Variants in RAB23 observed in about 807,000 individuals in gnomAD.
The protein encoded by RAB23 is RAB23, member RAS oncogene family.
RAB23 carries 15 observed loss-of-function variants against 30.0 expected under a neutral mutation model. The observed-to-expected ratio is 0.50, with a 90% CI of 0.33 to 0.77. The LOEUF (loss-of-function observed/expected upper bound fraction) is 0.77, where lower values mean the gene tolerates loss of function less well. Ranked by LOEUF, RAB23 falls within the 30% of genes least tolerant of loss-of-function variation. The pLI is 0.02. For missense variants in RAB23, 243 were observed against 275.4 expected (o/e 0.88, Z 0.83); for synonymous variants, 93 against 94.0 (o/e 0.99, Z 0.06).
intron 3 of RAB23, among the ~76,000 whole-genome samples, chr6:57,197,776 T>C (rs1366641328): frequency 1.3e-5 from 2 of 151,464 alleles, no homozygotes; most frequent in Admixed American, 1.3e-4. Flanking sequence ...TCTCACTCTG[T>C]TGCCCAAACT....
At chr6:57,200,464 G>A (rs944562395) in intron 3 of RAB23, among the ~76,000 whole-genome samples, 1 of 149,038 alleles carries the variant, frequency 6.7e-6, no homozygotes, top group African/African-American at 2.5e-5. Flanking sequence ...TTGAACCCTG[G>A]AGGAGGAGGT....
chr6:57,210,162 T>C (rs1486495998), intron 2 of RAB23, 64 bp downstream of exon 2: 1 of 1,536,220 alleles, frequency 6.5e-7, no homozygotes, highest in Non-Finnish European at 9.0e-7. Flanking sequence ...TAACTATTAC[T>C]CCAATGAGTC....
In RAB23 at chr6:57,187,936, T is replaced by C. The variant is rs536732780; in HGVS notation, c.*2525A>G. The C allele has an allele frequency of 6.6e-6, 1 of 152,276 alleles. No individual in the cohort carries two copies. The highest frequency in any genetic ancestry group is 2.4e-5 in the African/African-American group (1 of 41,540). 9.4% of individuals were successfully genotyped at this position (152,276 alleles called of 1,614,324 possible). On this transcript the variant is annotated 3_prime_UTR_variant, in exon 7 of 7. Transcript: ENST00000468148. Reference sequence around the variant, plus strand: ...CATTTAACCTGGTTTTATTTAACTATATTGCCTTATATGGGTCATTCTATA... The same window carrying C: ...CATTTAACCTGGTTTTATTTAACTACATTGCCTTATATGGGTCATTCTATA...
intron 1 of RAB23, among the ~76,000 whole-genome samples, chr6:57,220,198 C>A (rs1186620331): frequency 6.6e-6 from 1 of 152,072 alleles, no homozygotes; most frequent in Non-Finnish European, 1.5e-5. Context: ...ATTAAAACCA[C>A]AAGGAGATAC....
At chr6:57,208,374 C>T (rs762701371) in intron 2 of RAB23, among the ~76,000 whole-genome samples, 4 of 152,052 alleles carry the variant, frequency 2.6e-5, no homozygotes, top group African/African-American at 9.7e-5. Flanking sequence ...CCGCCAGTCA[C>T]GGTGGCTCAC....
intron 3 of RAB23, 38 bp downstream of exon 3, chr6:57,207,590 T>C: frequency 1.4e-6 from 2 of 1,434,892 alleles, no homozygotes; most frequent in African/African-American, 1.4e-5. Context: ...CAAAATAATA[T>C]GCCCAAACAA....
chr6:57,212,192 C>T (rs2128005140), intron 1 of RAB23, among the ~76,000 whole-genome samples: 1 of 152,280 alleles, frequency 6.6e-6, no homozygotes, highest in East Asian at 1.9e-4. Context: ...CTGTCCACTC[C>T]TGTTGAGGCC....
chr6:57,201,116 C>T (rs1765238791), intron 3 of RAB23, among the ~76,000 whole-genome samples: 1 of 145,866 alleles, frequency 6.9e-6, no homozygotes, highest in Non-Finnish European at 1.5e-5. Context: ...TGGAGTCTTG[C>T]TCTGTCGCCC....
intron 3 of RAB23, among the ~76,000 whole-genome samples, chr6:57,200,504 T>C (rs184624191): frequency 1.6e-5 from 2 of 123,846 alleles, no homozygotes; most frequent in East Asian, 5.1e-4. Context: ...GCCATCGCAC[T>C]CCAGCTTGGG....
intron 1 of RAB23, among the ~76,000 whole-genome samples, chr6:57,218,255 C>T (rs1210251199): frequency 5.3e-5 from 8 of 152,010 alleles, no homozygotes; most frequent in Admixed American, 5.2e-4. Context: ...AAAGACACTA[C>T]AAAAAAGAAA....
chr6:57,190,711 A>G, intron 6 of RAB23, 111 bp from the exon 7 acceptor site: 2 of 1,413,856 alleles, frequency 1.4e-6, no homozygotes, highest in Admixed American at 3.4e-5. Context: ...AGTTTCTCTA[A>G]AATTGTAGTA....
At chr6:57,194,679 T>C (rs933596244) in intron 5 of RAB23, 91 bp downstream of exon 5, 12 of 968,648 alleles carry the variant, frequency 1.2e-5, no homozygotes, top group Admixed American at 5.3e-5. Flanking sequence ...AATCTTGTTC[T>C]CGTTATAAAT....
At chr6:57,197,520 T>C (rs1474905384) in intron 3 of RAB23, among the ~76,000 whole-genome samples, 2 of 152,138 alleles carry the variant, frequency 1.3e-5, no homozygotes, top group African/African-American at 2.4e-5. Flanking sequence ...CATTACTCCT[T>C]CCTTACACAT....
chr6:57,196,601 G>C lies in RAB23; in HGVS notation c.247C>G (p.Gln83Glu). The change falls in exon 4 of 7, where the codon CAG becomes GAG. Residue 83 changes from glutamine to glutamate, a missense_variant. Coordinates refer to ENST00000468148, the MANE Select transcript of RAB23 (RefSeq NM_016277.5). ...AITKAYYRGA[Q>E]ACVLVFSTTD... ...GTAGAGAACACGAGCACACAAGCCTGGGCTCCTGTAAGTTCACAATCAATC... is the reference window on the plus strand; with the variant it reads ...GTAGAGAACACGAGCACACAAGCCTCGGCTCCTGTAAGTTCACAATCAATC... 6.2e-7 allele frequency: 1 copy of C among 1,613,536 alleles called. No homozygotes were observed. Among genetic ancestry groups the C allele is most frequent in the Non-Finnish European group, 8.5e-7 (1 of 1,179,806 alleles).
At chr6:57,210,051 G>GAA (rs143894243) in intron 2 of RAB23, among the ~76,000 whole-genome samples, 175 bp downstream of exon 2, 15 of 145,570 alleles carry the variant, frequency 1.0e-4, no homozygotes, top group African/African-American at 3.5e-4. Context: ...AGAGATGAAA[G>GAA]AAAAAAAAAA....
chr6:57,197,916 GT>G (rs748762055), intron 3 of RAB23, among the ~76,000 whole-genome samples: 2 of 151,872 alleles, frequency 1.3e-5, no homozygotes, highest in Non-Finnish European at 2.9e-5. Flanking sequence ...CTAATTCTTT[GT>G]TTTTTTGTTT....
intron 4 of RAB23, 55 bp downstream of exon 4, chr6:57,196,395 A>C (rs1244520740): frequency 4.0e-5 from 64 of 1,599,170 alleles, no homozygotes; most frequent in Non-Finnish European, 5.2e-5. Flanking sequence ...AAAAATTAAG[A>C]TGTCTTAACT....
intron 3 of RAB23, among the ~76,000 whole-genome samples, chr6:57,200,191 AT>A (rs750447866): frequency 0.018 from 2,530 of 142,866 alleles, 27 homozygotes; most frequent in Middle Eastern, 0.033. Flanking sequence ...CACTTCAAGA[AT>A]TTTTTTTTTT....
chr6:57,194,928 C>T (rs1764966045), intron 4 of RAB23, 76 bp from the exon 5 acceptor site: 2 of 1,088,832 alleles, frequency 1.8e-6, no homozygotes, highest in Non-Finnish European at 2.8e-6. Flanking sequence ...CTTTTAATTA[C>T]ATTTACTGAA....
Sources: gnomAD v4.1 joint callset for allele counts (sites outside exome capture counted in the v4.1 genomes callset) on GRCh38, gnomAD v4.1.1 for gene constraint, MANE v1.5 for transcripts, NCBI Gene and HGNC (gene_info 2026-07-23, HGNC 2026-07-21) for gene names.